Variants in CPA5 observed in about 807,000 individuals in gnomAD.
The protein encoded by CPA5 is testicular tissue protein Li 32.
CPA5 carries 38 observed loss-of-function variants against 52.2 expected under a neutral mutation model. That is an observed-to-expected ratio of 0.73 (90% CI 0.56 to 0.95). CPA5 has a LOEUF of 0.95. CPA5 is among the 40% of genes least tolerant of loss of function. The pLI is 0.00. For synonymous variants in CPA5, 198 were observed against 213.7 expected (o/e 0.93, Z 0.64); for missense variants, 519 against 566.7 (o/e 0.92, Z 0.86).
chr7:130,346,351 C>T (rs1794737038), intron 2 of CPA5, 42 bp from the exon 3 acceptor site: 8 of 592,668 alleles, frequency 1.3e-5, no homozygotes, highest in South Asian at 1.2e-4. Context: ...CATGTGGGAG[C>T]CACATGCTGG....
chr7:130,349,778 T>C (rs970427169), intron 4 of CPA5, among the ~76,000 whole-genome samples, 197 bp from the exon 5 acceptor site: 1 of 150,926 alleles, frequency 6.6e-6, no homozygotes. Flanking sequence ...GGAAAGAGCA[T>C]AGTCTAGGGT....
chr7:130,355,791 A>C (rs911944361), intron 5 of CPA5, among the ~76,000 whole-genome samples: 2 of 152,196 alleles, frequency 1.3e-5, no homozygotes, highest in Non-Finnish European at 1.5e-5. Flanking sequence ...AGGCACAGAG[A>C]TGTTAGTAAT....
chr7:130,373,963 C>A, the CPA5 span, among the ~76,000 whole-genome samples: 1 of 152,200 alleles, frequency 6.6e-6, no homozygotes, highest in Non-Finnish European at 1.5e-5. Context: ...AAACAGGCTG[C>A]CTGGATTTGT....
At position 130,346,927 on chromosome 7, in the gene CPA5, G is replaced by A. The variant is rs1438163340; in HGVS notation, c.116+326G>A. The stretch of plus-strand genomic sequence containing the variant: ...GAGGATGCATTCATAGCTTTCCTCC[G>A]ATTCTCAGAGAAGTTGTAGCCCCCA... On this transcript the variant is annotated intron_variant, in intron 3 of 12. Transcript: ENST00000474905. Among the ~76,000 whole-genome samples the A allele has an allele frequency of 2.6e-5, 4 of 152,132 alleles. No individual in the cohort carries two copies. The East Asian group carries it at 7.7e-4, about 29-fold the overall frequency.
Position 130,359,579 on chromosome 7 carries a change from C to T in CPA5, c.334-10C>T, listed in dbSNP as rs1554406021. ...CCCTTCCTTTCCAATATGTGTTCCC[C>T]ATCACCCAGGTGCTGCTGGATGAGG... On this transcript the variant is annotated splice_polypyrimidine_tract_variant and intron_variant, in intron 5 of 12. Coordinates refer to ENST00000474905, the MANE Select transcript of CPA5 (RefSeq NM_080385.5). 1 of 1,554,086 alleles carries T rather than the reference C, an allele frequency of 6.4e-7. No homozygotes were observed. The highest frequency in any genetic ancestry group is 8.7e-7 in the Non-Finnish European group (1 of 1,147,354).
At chr7:130,367,644 G>GTCGACGGTGATCCCACTGGCCACATCT in intron 11 of CPA5, 73 bp downstream of exon 11, 1 of 1,409,718 alleles carries the variant, frequency 7.1e-7, no homozygotes. Context: ...CATACTCCCA[G>GTCGACGGTGATCCCACTGGCCACATCT]AGGGCTCAGG....
chr7:130,369,746 A>G (rs1554409699), downstream of CPA5, among the ~76,000 whole-genome samples: 1 of 152,132 alleles, frequency 6.6e-6, no homozygotes, highest in African/African-American at 2.4e-5. Context: ...GCACGGAGAC[A>G]GGGAAGAAAA....
intron 4 of CPA5, among the ~76,000 whole-genome samples, chr7:130,349,358 C>T (rs1191249581): frequency 3.3e-5 from 5 of 151,986 alleles, no homozygotes; most frequent in African/African-American, 1.2e-4. Context: ...GGCATGAACC[C>T]GGGAGGCAAA....
intron 3 of CPA5, 31 bp from the exon 4 acceptor site, chr7:130,347,735 G>T: frequency 6.3e-7 from 1 of 1,590,206 alleles, no homozygotes; most frequent in South Asian, 1.1e-5. Context: ...CTTCTCCGCA[G>T]CTTCCTCCGC....
At chr7:130,347,976 G>A in intron 4 of CPA5, 129 bp downstream of exon 4, 1 of 670,540 alleles carries the variant, frequency 1.5e-6, no homozygotes, top group Non-Finnish European at 2.5e-6. Context: ...ACAGACCTGT[G>A]GGAAATCACA....
At chr7:130,362,401 T>C in intron 7 of CPA5, 37 bp from the exon 8 acceptor site, 1 of 1,505,238 alleles carries the variant, frequency 6.6e-7, no homozygotes, top group Non-Finnish European at 9.2e-7. Flanking sequence ...GCTGTCTGAG[T>C]TCAAACCTCG....
chr7:130,350,388 G>A (rs886479081), intron 5 of CPA5, among the ~76,000 whole-genome samples: 3 of 152,278 alleles, frequency 2.0e-5, no homozygotes, highest in South Asian at 2.1e-4. Context: ...CAGCAAAGGT[G>A]CGGGGAGAAG....
intron 10 of CPA5, among the ~76,000 whole-genome samples, chr7:130,365,813 C>A (rs2302822): frequency 4.6e-5 from 7 of 152,404 alleles, no homozygotes; most frequent in East Asian, 1.9e-4. Flanking sequence ...AACCTCCCCC[C>A]GCTCTGCGCA....
At chr7:130,363,929 C>T (rs530842721) in intron 10 of CPA5, among the ~76,000 whole-genome samples, 1 of 152,300 alleles carries the variant, frequency 6.6e-6, no homozygotes, top group South Asian at 2.1e-4. Flanking sequence ...TGAAGAAATG[C>T]CTCTGAACTC....
chr7:130,357,889 T>C (rs1375653356), intron 5 of CPA5, among the ~76,000 whole-genome samples: 1 of 152,088 alleles, frequency 6.6e-6, no homozygotes, highest in Non-Finnish European at 1.5e-5. Flanking sequence ...GCTCTTTCTG[T>C]CTACACACAT....
At chr7:130,365,899 T>C (rs1267340942) in intron 10 of CPA5, among the ~76,000 whole-genome samples, 3 of 152,230 alleles carry the variant, frequency 2.0e-5, no homozygotes, top group African/African-American at 7.2e-5. Context: ...AGGCCACTGT[T>C]AGATGGGCTG....
chr7:130,359,716 C>G (rs782721456), intron 6 of CPA5, 29 bp downstream of exon 6: 10 of 1,511,842 alleles, frequency 6.6e-6, no homozygotes, highest in South Asian at 1.2e-5. Context: ...GCTCTGGGCT[C>G]TCTTGTGTCT....
At position 130,368,726 on chromosome 7, in the gene CPA5, C is replaced by T. The variant is rs1458983971; in HGVS notation, c.*129C>T. On this transcript the variant is annotated 3_prime_UTR_variant, in exon 13 of 13. Coordinates refer to ENST00000474905, the MANE Select transcript of CPA5 (RefSeq NM_080385.5). ...CTTAGAAAATAAATACAAGTTTGAACAGGCTTCGCTGCCTCTCGTGTTGGC... is the reference window on the plus strand; with the variant it reads ...CTTAGAAAATAAATACAAGTTTGAATAGGCTTCGCTGCCTCTCGTGTTGGC... The T allele has an allele frequency of 4.2e-6, 4 of 962,644 alleles. No individual in the cohort carries two copies. Among genetic ancestry groups the T allele is most frequent in the Non-Finnish European group, 6.2e-6 (4 of 647,886 alleles). The allele number at this position is 962,644 out of a possible 1,614,324, so 59.6% of individuals were successfully genotyped here.
chr7:130,347,633 C>G (rs1490775480), intron 3 of CPA5, 133 bp from the exon 4 acceptor site: 1 of 685,682 alleles, frequency 1.5e-6, no homozygotes, highest in East Asian at 2.7e-5. Flanking sequence ...TCAGCCTCCA[C>G]TCATGCGGTG....
Sources: gnomAD v4.1 joint callset for allele counts (sites outside exome capture counted in the v4.1 genomes callset) on GRCh38, gnomAD v4.1.1 for gene constraint, MANE v1.5 for transcripts, NCBI Gene and HGNC (gene_info 2026-07-23, HGNC 2026-07-21) for gene names.